KCND2: variants seen among roughly 807,000 people sequenced by gnomAD.
KCND2 encodes A-type voltage-gated potassium channel KCND2.
A neutral mutation model predicts 54.4 loss-of-function variants in KCND2; 16 were observed. That is an observed-to-expected ratio of 0.29 (90% confidence interval 0.20 to 0.45). KCND2 has a LOEUF of 0.45. KCND2 is among the 20% of genes least tolerant of loss of function. The pLI, the probability that KCND2 is intolerant of heterozygous loss-of-function variation, is 1.00. For missense variants in KCND2, 486 were observed against 824.2 expected, an observed-to-expected ratio of 0.59 and a Z score of 5.02; for synonymous variants, 317 against 310.7, an observed-to-expected ratio of 1.02 and a Z score of -0.21.
chr7:120,275,619 C>T lies in KCND2; in HGVS notation c.987C>T (p.Phe329=), dbSNP rs1420463266. 2.5e-6 allele frequency: 4 copies of T among 1,611,148 alleles called. No homozygotes were observed. Among genetic ancestry groups the T allele is most frequent in the East Asian group, 4.5e-5 (2 of 44,866 alleles). Residue 329 remains phenylalanine (F), a synonymous_variant, in exon 1 of 6, where the codon TTC becomes TTT. Transcript: ENST00000331113. ...SCASELGFLL[F]SLTMAIIIFA... ...CCTCAGAATTGGGCTTCTTGCTTTT[C>T]TCGCTCACCATGGCTATCATCATCT...
chr7:120,476,811 A>G (rs988443248), intron 1 of KCND2, among the ~76,000 whole-genome samples: 8 of 152,230 alleles, frequency 5.3e-5, no homozygotes, highest in African/African-American at 1.7e-4. Flanking sequence ...ATAGGAAATT[A>G]CAGCCAATAA....
In KCND2 at chr7:120,634,496, A is replaced by G. The variant is rs913728055; in HGVS notation, c.1116-98407A>G. ...GGTACCGCCATACACTCGATACTCA[A>G]TCGAGAACCCTGGGTGTAATACTTG... On this transcript the variant is annotated intron_variant, in intron 1 of 5. Transcript: ENST00000331113. Among the ~76,000 whole-genome samples, 5 of 151,956 alleles carry G rather than the reference A, an allele frequency of 3.3e-5. No individual in the cohort carries two copies. The East Asian group carries it at 7.8e-4, about 24-fold the overall frequency.
chr7:120,538,815 C>T (rs532137923), intron 1 of KCND2, among the ~76,000 whole-genome samples: 4 of 152,246 alleles, frequency 2.6e-5, no homozygotes, highest in African/African-American at 9.6e-5. Context: ...TTTATGAGCT[C>T]GGTGAGAAGG....
chr7:120,452,514 G>A (rs1356891347), intron 1 of KCND2, among the ~76,000 whole-genome samples: 3 of 152,142 alleles, frequency 2.0e-5, no homozygotes, highest in African/African-American at 7.2e-5. Flanking sequence ...TGGGCTGAAG[G>A]GGAAGGGAGC....
chr7:120,661,484 A>G (rs1029865429), intron 1 of KCND2, among the ~76,000 whole-genome samples: 1 of 152,152 alleles, frequency 6.6e-6, no homozygotes, highest in South Asian at 2.1e-4. Context: ...CCTCATCTCT[A>G]CTAAAAATAC....
At chr7:120,448,043 A>G (rs1477467496) in intron 1 of KCND2, among the ~76,000 whole-genome samples, 3 of 152,158 alleles carry the variant, frequency 2.0e-5, no homozygotes, top group Non-Finnish European at 4.4e-5. Flanking sequence ...AAAAATTATT[A>G]TCATAGTTTA....
At chr7:120,339,054 T>C (rs1800197343) in intron 1 of KCND2, among the ~76,000 whole-genome samples, 1 of 96,992 alleles carries the variant, frequency 1.0e-5, no homozygotes, top group South Asian at 2.5e-4. Flanking sequence ...CTAATTATTA[T>C]TTTTTTTTTT....
intron 1 of KCND2, among the ~76,000 whole-genome samples, chr7:120,323,095 G>C (rs1799916522): frequency 6.6e-6 from 1 of 151,850 alleles, no homozygotes; most frequent in Admixed American, 6.6e-5. Flanking sequence ...CCATCATCTA[G>C]GTTTCAAGCC....
At chr7:120,451,133 C>G (rs1802100138) in intron 1 of KCND2, among the ~76,000 whole-genome samples, 1 of 152,068 alleles carries the variant, frequency 6.6e-6, no homozygotes, top group Non-Finnish European at 1.5e-5. Flanking sequence ...TCCCTGGATC[C>G]CTGAGTTTTC....
At chr7:120,683,301 C>T (rs1331448834) in intron 1 of KCND2, among the ~76,000 whole-genome samples, 1 of 152,080 alleles carries the variant, frequency 6.6e-6, no homozygotes, top group Non-Finnish European at 1.5e-5. Flanking sequence ...CTACTATGAT[C>T]TTACTAGTTG....
intron 1 of KCND2, among the ~76,000 whole-genome samples, chr7:120,672,644 A>G (rs1160842915): frequency 6.6e-6 from 1 of 152,078 alleles, no homozygotes. Flanking sequence ...TTAAATTAAC[A>G]ACTATAGTCA....
At chr7:120,715,339 A>G (rs1792590445) in intron 1 of KCND2, among the ~76,000 whole-genome samples, 1 of 152,086 alleles carries the variant, frequency 6.6e-6, no homozygotes, top group Non-Finnish European at 1.5e-5. Context: ...AATACTACTT[A>G]GGCTTTAAAT....
chr7:120,573,327 C>A (rs910625174), intron 1 of KCND2, among the ~76,000 whole-genome samples: 1 of 152,118 alleles, frequency 6.6e-6, no homozygotes, highest in South Asian at 2.1e-4. Context: ...AATACATATT[C>A]AAAATAGCAG....
intron 1 of KCND2, among the ~76,000 whole-genome samples, chr7:120,401,242 C>A (rs547217602): frequency 3.9e-5 from 6 of 152,178 alleles, no homozygotes; most frequent in African/African-American, 1.4e-4. Flanking sequence ...GCTGTACTGA[C>A]ATCAAAAAAC....
rs138844687 is a variant in KCND2 at position 120,430,824 on chromosome 7, A to C, written c.1115+155077A>C. ...ACACATTAAATTTGCAAAACTTTACAACCACACCACTATTCCACTATCCTT... is the reference window on the plus strand; with the variant it reads ...ACACATTAAATTTGCAAAACTTTACCACCACACCACTATTCCACTATCCTT... On this transcript the variant is annotated intron_variant, in intron 1 of 5. Coordinates refer to ENST00000331113, the MANE Select transcript of KCND2 (RefSeq NM_012281.3). 5.0e-3 allele frequency among the ~76,000 whole-genome samples: 757 copies of C among 152,330 alleles called. 3 individuals carry two copies. Among genetic ancestry groups the C allele is most frequent in the African/African-American group, 0.017 (693 of 41,576 alleles).
chr7:120,635,305 G>A (rs981543984), intron 1 of KCND2, among the ~76,000 whole-genome samples: 1 of 152,160 alleles, frequency 6.6e-6, no homozygotes, highest in African/African-American at 2.4e-5. Context: ...TCAGTTGTCT[G>A]GGATAGGAAT....
At chr7:120,720,984 G>A (rs1040191106) in intron 1 of KCND2, among the ~76,000 whole-genome samples, 13 of 152,100 alleles carry the variant, frequency 8.5e-5, no homozygotes, top group Non-Finnish European at 1.9e-4. Flanking sequence ...TGCATTTAAT[G>A]TACTTAGAAT....
intron 1 of KCND2, among the ~76,000 whole-genome samples, chr7:120,468,883 C>T (rs1392926946): frequency 1.3e-5 from 2 of 152,166 alleles, no homozygotes; most frequent in East Asian, 1.9e-4. Flanking sequence ...TTCATTGATT[C>T]CCTGACTGCA....
At chr7:120,524,491 T>C (rs1471594354) in intron 1 of KCND2, among the ~76,000 whole-genome samples, 1 of 152,216 alleles carries the variant, frequency 6.6e-6, no homozygotes, top group Non-Finnish European at 1.5e-5. Flanking sequence ...AATATGACTA[T>C]AGCCATTATT....
Sources: allele counts gnomAD v4.1 joint callset (sites outside exome capture counted in the v4.1 genomes callset), GRCh38; gene constraint gnomAD v4.1.1; transcripts MANE v1.5; gene names NCBI Gene and HGNC (gene_info 2026-07-23, HGNC 2026-07-21).